Variants in DCAKD observed in about 807,000 individuals in gnomAD.
The protein encoded by DCAKD is dephospho-CoA kinase domain-containing protein.
DCAKD carries 15 observed loss-of-function variants against 18.7 expected under a neutral mutation model. That is an observed-to-expected ratio of 0.80 (90% CI 0.54 to 1.24). DCAKD has a LOEUF of 1.24. DCAKD is among the 50% of genes most tolerant of loss of function. The pLI, the probability that DCAKD is intolerant of heterozygous loss-of-function variation, is 0.00. For synonymous variants in DCAKD, 130 were observed against 133.0 expected (o/e 0.98, Z 0.16); for missense variants, 301 against 322.0 (o/e 0.93, Z 0.50).
At chr17:45,037,989 A>C (rs1207992284) in intron 1 of DCAKD, among the ~76,000 whole-genome samples, 1 of 136,134 alleles carries the variant, frequency 7.3e-6, no homozygotes, top group African/African-American at 2.8e-5. Context: ...GGCTGGTCTC[A>C]AACTCCTGAC....
chr17:45,035,433 A>C (rs2053272808), intron 1 of DCAKD, among the ~76,000 whole-genome samples: 1 of 145,966 alleles, frequency 6.9e-6, no homozygotes, highest in African/African-American at 2.6e-5. Flanking sequence ...GTAAGCTGAG[A>C]TCCCACCACT....
rs370594769 is a variant in DCAKD, at chr17:45,031,108, G to T, written c.317-929C>A. On this transcript the variant is annotated intron_variant, in intron 3 of 4. Transcript: ENST00000651974. ...CCCAGAGACCCCTGGCCTGGCTGGG[G>T]CAGGAGACTGCACCCCTGGAGCATC... The T allele has an allele frequency of 1.6e-5, 16 of 985,426 alleles. 1 individual carries two copies. In the East Asian group the frequency reaches 4.5e-4, roughly 28 times the overall value. The allele number at this position is 985,426 out of a possible 1,614,324, so 61.0% of individuals were successfully genotyped here.
At chr17:45,054,745 C>G (rs1950508672), upstream of DCAKD, among the ~76,000 whole-genome samples, 1 of 152,144 alleles carries the variant, frequency 6.6e-6, no homozygotes, top group African/African-American at 2.4e-5. Context: ...ACCCTTTTCC[C>G]TACTCCTGAC....
At chr17:45,045,731 C>CAAA (rs759264562) in intron 1 of DCAKD, among the ~76,000 whole-genome samples, 1 of 70,612 alleles carries the variant, frequency 1.4e-5, no homozygotes, top group African/African-American at 4.5e-5. Flanking sequence ...GACTCTGTCT[C>CAAA]AAAAAAAAAA....
At chr17:45,031,953 C>T (rs755485508) in intron 3 of DCAKD, 53 of 985,286 alleles carry the variant, frequency 5.4e-5, no homozygotes, top group Non-Finnish European at 6.1e-5. Flanking sequence ...TTCACCTTAT[C>T]GAGCTCAAAA....
upstream of DCAKD, among the ~76,000 whole-genome samples, chr17:45,055,362 GTTTATTTATTTA>G (rs143325123): frequency 4.7e-5 from 7 of 149,814 alleles, no homozygotes; most frequent in South Asian, 2.1e-4. Context: ...TTTTCTGTAC[GTTTATTTATTTA>G]TTTATTTATT....
chr17:45,030,655 C>T (rs533245391), intron 3 of DCAKD, among the ~76,000 whole-genome samples: 1 of 152,198 alleles, frequency 6.6e-6, no homozygotes, highest in Admixed American at 6.5e-5. Context: ...ACAAAACACC[C>T]AAAAGATAGG....
chr17:45,042,065 A>C (rs991425327), intron 1 of DCAKD, among the ~76,000 whole-genome samples: 1 of 152,012 alleles, frequency 6.6e-6, no homozygotes. Flanking sequence ...GCAGTGAGCC[A>C]TGACTGTACC....
chr17:45,032,116 C>T (rs1263298712), intron 3 of DCAKD: 3 of 985,454 alleles, frequency 3.0e-6, no homozygotes, highest in Non-Finnish European at 3.6e-6. Flanking sequence ...GCAGATATAC[C>T]AGTAACTGGC....
At chr17:45,048,492 C>G (rs1186598429) in intron 1 of DCAKD, among the ~76,000 whole-genome samples, 2 of 152,148 alleles carry the variant, frequency 1.3e-5, no homozygotes, top group African/African-American at 4.8e-5. Context: ...ACAAAAATAG[C>G]CAGGCATGGT....
chr17:45,053,478 G>C (rs2143405724), upstream of DCAKD, among the ~76,000 whole-genome samples: 1 of 152,100 alleles, frequency 6.6e-6, no homozygotes, highest in African/African-American at 2.4e-5. Flanking sequence ...CTGGAGTGCA[G>C]TGGCATGATC....
upstream of DCAKD, chr17:45,051,702 G>C (rs1051156966): frequency 1.8e-5 from 2 of 112,320 alleles, no homozygotes; most frequent in Admixed American, 1.8e-4. Flanking sequence ...AGGTTGGACG[G>C]GCGGGGCCGG....
upstream of DCAKD, among the ~76,000 whole-genome samples, chr17:45,052,756 G>A (rs2053733679): frequency 6.6e-6 from 1 of 151,846 alleles, no homozygotes; most frequent in Non-Finnish European, 1.5e-5. Flanking sequence ...TCATTTACTC[G>A]GGAGGCTGAG....
Position 45,024,725 on chromosome 17 carries a change from C to T in DCAKD, c.405-1G>A. 1 of 1,567,668 alleles carries T rather than the reference C, an allele frequency of 6.4e-7. No homozygotes were observed. The highest frequency in any genetic ancestry group is 8.7e-7 in the Non-Finnish European group (1 of 1,152,754). On this transcript the variant is annotated splice_acceptor_variant, in intron 4 of 4. Coordinates refer to ENST00000651974, the MANE Select transcript of DCAKD (RefSeq NM_001288655.2). LOFTEE classifies it high-confidence loss of function. ...CCGTGCCAGCTGTGTGTCCCGGTCGCTAAGGATAGGGCAAAAGGGCACTGT... is the reference window on the plus strand; with the variant it reads ...CCGTGCCAGCTGTGTGTCCCGGTCGTTAAGGATAGGGCAAAAGGGCACTGT...
At chr17:45,049,138 A>C (rs2053635341) in intron 1 of DCAKD, among the ~76,000 whole-genome samples, 1 of 152,044 alleles carries the variant, frequency 6.6e-6, no homozygotes, top group Non-Finnish European at 1.5e-5. Context: ...TGGAAATATG[A>C]GTTCAAGAAG....
intron 1 of DCAKD, among the ~76,000 whole-genome samples, chr17:45,060,051 C>G: frequency 6.6e-6 from 1 of 152,146 alleles, no homozygotes; most frequent in East Asian, 1.9e-4. Context: ...TTGCAGTGAG[C>G]CGAGATCGCA....
At position 45,034,340 on chromosome 17, in the gene DCAKD, T is replaced by C. The variant is rs756031085; in HGVS notation, c.163A>G (p.Thr55Ala). 10 of 1,613,940 alleles carry C rather than the reference T, an allele frequency of 6.2e-6. No individual in the cohort carries two copies. Among genetic ancestry groups the C allele is most frequent in the Non-Finnish European group, 8.5e-6 (10 of 1,180,044 alleles). ...TCGCCGTTCTCCAGCAAGACCTCAGTGCCGAAGACCTCTACGATGCGCCGG... is the reference window on the plus strand; with the variant it reads ...TCGCCGTTCTCCAGCAAGACCTCAGCGCCGAAGACCTCTACGATGCGCCGG... ...AHRRIVEVFG[T>A]EVLLENGDIN... Residue 55 changes from threonine (T) to alanine (A), a missense_variant, in exon 3 of 5, where the codon ACT (threonine) becomes GCT (alanine). By Grantham distance (58) the Thr-to-Ala change is moderately conservative. Coordinates refer to ENST00000651974, the MANE Select transcript of DCAKD (RefSeq NM_001288655.2).
At chr17:45,044,154 A>C (rs888650421) in intron 1 of DCAKD, among the ~76,000 whole-genome samples, 2 of 152,114 alleles carry the variant, frequency 1.3e-5, no homozygotes, top group Non-Finnish European at 2.9e-5. Flanking sequence ...AAGTCCATGG[A>C]GAGTCCTACA....
Position 45,024,717 on chromosome 17 carries a change from C to T in DCAKD, c.412G>A (p.Asp138Asn), listed in dbSNP as rs1445565292. The change falls in exon 5 of 5, where the codon GAC becomes AAC. Residue 138 changes from aspartate (D) to asparagine (N), a missense_variant. By Grantham distance (23) the Asp-to-Asn change is conservative (BLOSUM62 1). Coordinates refer to ENST00000651974, the MANE Select transcript of DCAKD (RefSeq NM_001288655.2). ...CGCATCAGCCGTGCCAGCTGTGTGT[C>T]CCGGTCGCTAAGGATAGGGCAAAAG... ...KHTVVVYCDR[D>N]TQLARLMRRN... 1 of 1,575,740 alleles carries T rather than the reference C, an allele frequency of 6.3e-7. No individual in the cohort carries two copies. The highest frequency in any genetic ancestry group is 1.3e-5 in the African/African-American group (1 of 74,566).
Sources: gnomAD v4.1 joint callset for allele counts (sites outside exome capture counted in the v4.1 genomes callset) on GRCh38, gnomAD v4.1.1 for gene constraint, MANE v1.5 for transcripts, NCBI Gene and HGNC (gene_info 2026-07-23, HGNC 2026-07-21) for gene names.